The following C1QTNF3 variants were observed in gnomAD, a reference collection of about 807,000 sequenced individuals.
The protein encoded by C1QTNF3 is C1q and TNF related 3.
A neutral mutation model predicts 32.6 loss-of-function variants in C1QTNF3; 26 were observed. That is an observed-to-expected ratio of 0.80 (90% CI 0.58 to 1.11). C1QTNF3 has a LOEUF of 1.11. C1QTNF3 is among the 50% of genes least tolerant of loss of function. The pLI is 0.00. For missense variants in C1QTNF3, 362 were observed against 398.2 expected (o/e 0.91, Z 0.77); for synonymous variants, 155 against 146.0 (o/e 1.06, Z -0.44).
chr5:34,044,404 G>A (rs1298157626), upstream of C1QTNF3, among the ~76,000 whole-genome samples: 1 of 152,192 alleles, frequency 6.6e-6, no homozygotes, highest in African/African-American at 2.4e-5. Flanking sequence ...GCAAGCGTCT[G>A]ATGAGAAGGG....
intron 3 of C1QTNF3, among the ~76,000 whole-genome samples, chr5:34,029,464 C>A (rs1170891332): frequency 1.3e-5 from 2 of 152,080 alleles, no homozygotes; most frequent in Non-Finnish European, 1.5e-5. Context: ...GAAATTAATT[C>A]TTTGAATACA....
the C1QTNF3 span, among the ~76,000 whole-genome samples, chr5:34,204,102 TAAATGTTATCATCAAGACAGAAAAC>T: frequency 3.9e-5 from 6 of 151,970 alleles, no homozygotes; most frequent in East Asian, 1.2e-3. Flanking sequence ...CTCACAGCAT[TAAATGTTATCATCAAGACAGAAAAC>T]AAATAAACAT....
At chr5:34,172,984 T>G in the C1QTNF3 span, among the ~76,000 whole-genome samples, 3 of 152,152 alleles carry the variant, frequency 2.0e-5, no homozygotes, top group Non-Finnish European at 4.4e-5. Flanking sequence ...TAAAAATATT[T>G]TAACTTTTAT....
chr5:34,058,086 T>C, the C1QTNF3 span, among the ~76,000 whole-genome samples: 40 of 152,304 alleles, frequency 2.6e-4, no homozygotes, highest in South Asian at 8.1e-3. Context: ...TCTACCACAC[T>C]TGCAGACACT....
the C1QTNF3 span, among the ~76,000 whole-genome samples, chr5:34,132,435 GTATATATATATATA>G: frequency 0.58 from 79,728 of 137,894 alleles, 23,151 homozygotes; most frequent in Middle Eastern, 0.67. Flanking sequence ...GTATGTGTAT[GTATATATATATATA>G]TATATATATA....
At chr5:34,132,564 A>G in the C1QTNF3 span, among the ~76,000 whole-genome samples, 2 of 151,698 alleles carry the variant, frequency 1.3e-5, no homozygotes. Flanking sequence ...CAAGGTCATA[A>G]TGTTTGGGAC....
the C1QTNF3 span, among the ~76,000 whole-genome samples, chr5:34,071,957 A>C: frequency 6.6e-6 from 1 of 151,848 alleles, no homozygotes; most frequent in East Asian, 1.9e-4. Context: ...TAGATTCTCT[A>C]CTTTCCATTG....
chr5:34,077,379 A>G, the C1QTNF3 span, among the ~76,000 whole-genome samples: 1 of 151,688 alleles, frequency 6.6e-6, no homozygotes, highest in Admixed American at 6.6e-5. Context: ...GATTTTCAAA[A>G]TAAAACACAT....
the C1QTNF3 span, among the ~76,000 whole-genome samples, chr5:34,233,954 T>C: frequency 1.3e-5 from 2 of 152,156 alleles, no homozygotes; most frequent in African/African-American, 4.8e-5. Flanking sequence ...TAATAAGACT[T>C]TTTACATTTT....
At chr5:34,235,787 T>C in the C1QTNF3 span, among the ~76,000 whole-genome samples, 10 of 152,232 alleles carry the variant, frequency 6.6e-5, no homozygotes, top group South Asian at 6.2e-4. Context: ...TTAGTGGATA[T>C]GTTTTAGGTG....
chr5:34,195,856 A>T, the C1QTNF3 span, among the ~76,000 whole-genome samples: 2 of 151,998 alleles, frequency 1.3e-5, no homozygotes, highest in Non-Finnish European at 2.9e-5. Context: ...AAAAAAAAAA[A>T]TTCATATGAT....
At chr5:34,158,007 C>T in the C1QTNF3 span, 1 of 152,016 alleles carries the variant, frequency 6.6e-6, no homozygotes, top group Non-Finnish European at 1.5e-5. Context: ...GACCTTACCA[C>T]CAATATCCTC....
At chr5:34,096,774 T>G in the C1QTNF3 span, among the ~76,000 whole-genome samples, 1 of 152,018 alleles carries the variant, frequency 6.6e-6, no homozygotes, top group African/African-American at 2.4e-5. Context: ...CCTGGGTTAA[T>G]GGAGGAATAT....
chr5:34,215,573 G>A, the C1QTNF3 span, among the ~76,000 whole-genome samples: 1 of 152,154 alleles, frequency 6.6e-6, no homozygotes, highest in South Asian at 2.1e-4. Context: ...CTAAATGCTG[G>A]TCTAGTTGAA....
rs1018611346 is a variant in C1QTNF3, at chr5:34,018,980, T to C, written c.*1603A>G. Among the ~76,000 whole-genome samples the C allele has an allele frequency of 2.6e-5, 4 of 152,258 alleles. No homozygotes were observed. The highest frequency in any genetic ancestry group is 1.3e-4 in the Admixed American group (2 of 15,284). On this transcript the variant is annotated 3_prime_UTR_variant, in exon 6 of 6. Coordinates refer to ENST00000382065, the MANE Select transcript of C1QTNF3 (RefSeq NM_181435.6). ...CATCTCTATTAGAAACATTAAAAAT[T>C]AGCTGGTCCTGGTGGTGGGCGCCTG...
chr5:34,205,089 T>C, the C1QTNF3 span, among the ~76,000 whole-genome samples: 1 of 139,794 alleles, frequency 7.2e-6, no homozygotes, highest in Non-Finnish European at 1.5e-5. Flanking sequence ...AAGAAACTTG[T>C]ACGAAGGCAT....
At chr5:34,045,115 A>T (rs1320208524), upstream of C1QTNF3, among the ~76,000 whole-genome samples, 1 of 152,144 alleles carries the variant, frequency 6.6e-6, no homozygotes. Context: ...GTGGCTCTGA[A>T]ATCTAGGTCA....
At chr5:34,138,877 C>G in the C1QTNF3 span, among the ~76,000 whole-genome samples, 1 of 152,030 alleles carries the variant, frequency 6.6e-6, no homozygotes, top group Non-Finnish European at 1.5e-5. Context: ...CGCATCATAC[C>G]TGTGTCTTCC....
At chr5:34,137,778 T>C in the C1QTNF3 span, among the ~76,000 whole-genome samples, 2 of 152,208 alleles carry the variant, frequency 1.3e-5, no homozygotes, top group African/African-American at 2.4e-5. Flanking sequence ...GTTCTGCTGG[T>C]TTTCTATTAA....
Sources: gnomAD v4.1 joint callset for allele counts (sites outside exome capture counted in the v4.1 genomes callset) on GRCh38, gnomAD v4.1.1 for gene constraint, MANE v1.5 for transcripts, NCBI Gene and HGNC (gene_info 2026-07-23, HGNC 2026-07-21) for gene names.